The following EFHB variants were observed in gnomAD, a reference collection of about 807,000 sequenced individuals.
The protein encoded by EFHB is EF-hand domain family member B, also known as EF-hand domain-containing family member B.
EFHB carries 91 observed loss-of-function variants against 87.2 expected under a neutral mutation model. That is an observed-to-expected ratio of 1.04 (90% CI 0.88 to 1.24). The LOEUF (loss-of-function observed/expected upper bound fraction) is 1.24. Among genes scored for constraint, EFHB ranks in the 50% most tolerant of loss-of-function variants. The pLI is 0.00. For missense variants in EFHB, 1,084 were observed against 998.8 expected (o/e 1.09, Z -1.15); for synonymous variants, 325 against 333.6 (o/e 0.97, Z 0.28).
chr3:19,914,035 C>T (rs1334585605), intron 5 of EFHB, among the ~76,000 whole-genome samples: 3 of 152,190 alleles, frequency 2.0e-5, no homozygotes, highest in African/African-American at 7.2e-5. Flanking sequence ...CCTGGAACTA[C>T]TGGGCTCAAA....
At chr3:19,936,464 T>A (rs961436329), upstream of EFHB, 6 of 440,990 alleles carry the variant, frequency 1.4e-5, no homozygotes, top group Non-Finnish European at 2.0e-5. Context: ...CTCAGGAGGC[T>A]GAGGTGGGAG....
rs770485985 is a variant in EFHB, at chr3:19,919,932, A to G, written c.897T>C (p.Tyr299=). ...ATACTCTTTCTACTCCAGCAGGTGG[A>G]TATCTGAAGTTGAAATACTTTTTTG... ...PEAKKYFNFR[Y]PPAGVERVFY... Residue 299 remains tyrosine, a synonymous_variant, in exon 3 of 13, where the codon TAT becomes TAC. Coordinates refer to ENST00000295824, the MANE Select transcript of EFHB (RefSeq NM_144715.4). 1 of 1,613,766 alleles carries G rather than the reference A, an allele frequency of 6.2e-7. No individual in the cohort carries two copies. Among genetic ancestry groups the G allele is most frequent in the South Asian group, 1.1e-5 (1 of 91,082 alleles).
chr3:19,943,860 C>G (rs562798842), intron 1 of EFHB, among the ~76,000 whole-genome samples: 2 of 152,096 alleles, frequency 1.3e-5, no homozygotes, highest in African/African-American at 4.8e-5. Flanking sequence ...TGGAACGATG[C>G]GTAATATCAT....
chr3:19,892,200 C>T (rs1317989142), intron 9 of EFHB, among the ~76,000 whole-genome samples: 1 of 152,172 alleles, frequency 6.6e-6, no homozygotes, highest in Non-Finnish European at 1.5e-5. Flanking sequence ...CACCCTATAG[C>T]ACAAAAGCTA....
chr3:19,882,614 G>T lies in EFHB; in HGVS notation c.2264C>A (p.Pro755His), dbSNP rs2125122259. ...CACTCCTTTCCGGGCAAAAATGGTA[G>T]GATATAGTAGTGAATATGCACTACC... ...EEGSAYSLLY[P>H]TIFARKGVFE... Residue 755 changes from proline to histidine, a missense_variant, in exon 12 of 13, where the codon CCT becomes CAT. Pro to His is a moderately conservative substitution (Grantham distance 77). Coordinates refer to ENST00000295824, the MANE Select transcript of EFHB (RefSeq NM_144715.4). 1 of 1,612,292 alleles carries T rather than the reference G, an allele frequency of 6.2e-7. No homozygotes were observed. Among genetic ancestry groups the T allele is most frequent in the Middle Eastern group, 1.7e-4 (1 of 6,060 alleles).
intron 10 of EFHB, among the ~76,000 whole-genome samples, chr3:19,885,193 G>A (rs1412981408): frequency 2.0e-5 from 3 of 150,282 alleles, no homozygotes; most frequent in African/African-American, 7.4e-5. Flanking sequence ...TTGCACTCCA[G>A]CCTGGAGGAA....
intron 7 of EFHB, among the ~76,000 whole-genome samples, chr3:19,899,050 G>C (rs747307411): frequency 6.6e-6 from 1 of 152,068 alleles, no homozygotes; most frequent in African/African-American, 2.4e-5. Context: ...TCTTTCAGGA[G>C]CCCAGAATTA....
chr3:19,936,337 G>GAAAAA (rs71055080), upstream of EFHB: 182 of 448,064 alleles, frequency 4.1e-4, no homozygotes, highest in South Asian at 1.6e-3. Context: ...GCGACAGACT[G>GAAAAA]AAAAAAAAAA....
chr3:19,915,398 T>C lies in EFHB; in HGVS notation c.1193A>G (p.Asp398Gly), dbSNP rs766706351. Reference sequence around the variant, plus strand: ...ATAGGATTTTGGTGGATTCACCACATCTTTAGCAGAGTATTCTGAAGGAAG... The same window carrying C: ...ATAGGATTTTGGTGGATTCACCACACCTTTAGCAGAGTATTCTGAAGGAAG... Reference protein sequence around the residue: ...TAVIKEYSAKDVVNPPKSYEE... With the variant: ...TAVIKEYSAKGVVNPPKSYEE... The change falls in exon 5 of 13, where the codon GAT becomes GGT. Residue 398 changes from aspartate to glycine, a missense_variant. Transcript: ENST00000295824. The C allele has an allele frequency of 6.2e-7, 1 of 1,608,306 alleles. No homozygotes were observed. The highest frequency in any genetic ancestry group is 8.5e-7 in the Non-Finnish European group (1 of 1,176,010).
intron 11 of EFHB, among the ~76,000 whole-genome samples, chr3:19,882,946 A>G (rs897486277): frequency 6.6e-6 from 1 of 152,174 alleles, no homozygotes; most frequent in Non-Finnish European, 1.5e-5. Flanking sequence ...TTTTGAATAT[A>G]TATCGTATTA....
In EFHB at chr3:19,934,005, A is replaced by G. The variant is rs55746682; in HGVS notation, c.14T>C (p.Ile5Thr). 9,392 of 1,603,772 alleles carry G rather than the reference A, an allele frequency of 5.9e-3. 443 individuals are homozygous for G. The African/African-American group carries it at 0.1, about 18-fold the overall frequency. The change falls in exon 1 of 13, where the codon ATT becomes ACT. Residue 5 changes from isoleucine to threonine, a missense_variant. Coordinates refer to ENST00000295824, the MANE Select transcript of EFHB (RefSeq NM_144715.4). ...ATCCTTTCCTTCGTGGGGATGTCCAATCTCCATGTTCATGGACGATTTCTC... is the reference window on the plus strand; with the variant it reads ...ATCCTTTCCTTCGTGGGGATGTCCAGTCTCCATGTTCATGGACGATTTCTC... MNME[I>T]GHPHEGKDDL...
chr3:19,889,934 C>G (rs1694247510), intron 9 of EFHB, among the ~76,000 whole-genome samples: 1 of 152,136 alleles, frequency 6.6e-6, no homozygotes, highest in South Asian at 2.1e-4. Flanking sequence ...TTGCAGTGAG[C>G]CGAGACTGCG....
intron 6 of EFHB, 137 bp downstream of exon 6, chr3:19,905,483 T>C (rs1443870254): frequency 1.0e-6 from 1 of 995,070 alleles, no homozygotes; most frequent in African/African-American, 1.6e-5. Flanking sequence ...TTACACTGTT[T>C]TTTCTATTTT....
rs1202317989 is a variant in EFHB at position 19,908,596 on chromosome 3, GAGAGAA to G, written c.1289-2853_1289-2848del. ...AGAGAGAGAGAGAGAGAGAGAGAGA[GAGAGAA>G]AGAAAGAAAGAAAGAAAGAAAGAAA... On this transcript the variant is annotated intron_variant, in intron 5 of 12. Coordinates refer to ENST00000295824, the MANE Select transcript of EFHB (RefSeq NM_144715.4). Among the ~76,000 whole-genome samples the G allele has an allele frequency of 8.4e-3, 815 of 96,874 alleles. 4 individuals are homozygous for G. Among genetic ancestry groups the G allele is most frequent in the Non-Finnish European group, 0.012 (543 of 46,498 alleles). The allele number at this position is 96,874 out of a possible 152,430, so 63.6% of individuals were successfully genotyped here. A position where few individuals can be genotyped will look rare whatever the true frequency, so the allele number is the denominator to read the frequency against.
intron 5 of EFHB, 134 bp from the exon 6 acceptor site, chr3:19,905,883 G>T: frequency 2.7e-6 from 3 of 1,117,108 alleles, no homozygotes; most frequent in Middle Eastern, 2.6e-4. Flanking sequence ...TGCAGAAACT[G>T]CACAGATTTA....
Position 19,933,668 on chromosome 3 carries a change from A to G in EFHB, c.351T>C (p.Leu117=), listed in dbSNP as rs73049870. The G allele has an allele frequency of 9.6e-3, 15,571 of 1,613,994 alleles. 105 individuals carry two copies. The highest frequency in any genetic ancestry group is 0.012 in the Non-Finnish European group (14,045 of 1,179,886). The change falls in exon 1 of 13, where the codon CTT becomes CTC. Residue 117 remains leucine, a synonymous_variant. Coordinates refer to ENST00000295824, the MANE Select transcript of EFHB (RefSeq NM_144715.4). ...GRMGLENESL[L]AGYTHERIIQ... The stretch of plus-strand genomic sequence containing the variant: ...TTATCCGTTCATGGGTATATCCTGC[A>G]AGAAGACTCTCATTTTCTAACCCCA...
At chr3:19,888,360 G>C in intron 10 of EFHB, 84 bp downstream of exon 10, 1 of 752,766 alleles carries the variant, frequency 1.3e-6, no homozygotes, top group Non-Finnish European at 1.8e-6. Flanking sequence ...AACATAGTGA[G>C]ACCTCGTCTG....
intron 9 of EFHB, among the ~76,000 whole-genome samples, chr3:19,895,374 G>A (rs980525755): frequency 3.3e-5 from 5 of 151,652 alleles, no homozygotes; most frequent in Admixed American, 1.3e-4. Context: ...CCCACTACTC[G>A]GGAGGCTGAG....
intron 1 of EFHB, among the ~76,000 whole-genome samples, chr3:19,921,815 T>C (rs1278393596): frequency 1.3e-5 from 2 of 152,134 alleles, no homozygotes; most frequent in South Asian, 2.1e-4. Context: ...ATCTCACTAA[T>C]ACCAGGGAAT....
Sources: allele counts gnomAD v4.1 joint callset (sites outside exome capture counted in the v4.1 genomes callset), GRCh38; gene constraint gnomAD v4.1.1; transcripts MANE v1.5; gene names NCBI Gene and HGNC (gene_info 2026-07-23, HGNC 2026-07-21).